APBA1: variants seen among roughly 807,000 people sequenced by gnomAD.
APBA1 encodes amyloid-beta A4 precursor protein-binding family A member 1.
In APBA1, 55 loss-of-function variants were observed where a neutral mutation model predicts 86.6. The observed-to-expected ratio is 0.64, with a 90% CI of 0.51 to 0.80. The LOEUF (loss-of-function observed/expected upper bound fraction) is 0.80. APBA1 is among the 30% of genes least tolerant of loss of function. The pLI is 0.00. For missense variants in APBA1, 1,090 were observed against 1,183.0 expected (o/e 0.92, Z 1.15); for synonymous variants, 511 against 493.9 (o/e 1.03, Z -0.46).
intron 11 of APBA1, among the ~76,000 whole-genome samples, chr9:69,440,027 T>G (rs1834784655): frequency 6.6e-6 from 1 of 152,368 alleles, no homozygotes; most frequent in South Asian, 2.1e-4. Flanking sequence ...TGCAGGTCTG[T>G]TGGAGTTTAC....
chr9:69,489,670 G>A (rs1835670784), intron 2 of APBA1, among the ~76,000 whole-genome samples: 1 of 151,972 alleles, frequency 6.6e-6, no homozygotes, highest in Non-Finnish European at 1.5e-5. Context: ...CGAAGGACAT[G>A]AACAGACACT....
intron 1 of APBA1, among the ~76,000 whole-genome samples, chr9:69,636,774 G>C (rs1466109337): frequency 7.4e-6 from 1 of 134,278 alleles, no homozygotes; most frequent in Non-Finnish European, 1.6e-5. Flanking sequence ...AAGCCTGGGT[G>C]ACAGAGTGAG....
intron 1 of APBA1, among the ~76,000 whole-genome samples, chr9:69,526,735 GTAGAATATTGTTC>G (rs1836348842): frequency 6.6e-6 from 1 of 152,020 alleles, no homozygotes; most frequent in African/African-American, 2.4e-5. Context: ...ATTGTTCTCG[GTAGAATATTGTTC>G]TACCAAAAAG....
chr9:69,636,517 T>C (rs1034242870), intron 1 of APBA1, among the ~76,000 whole-genome samples: 5 of 152,054 alleles, frequency 3.3e-5, no homozygotes, highest in Non-Finnish European at 7.4e-5. Flanking sequence ...AACAGATGAA[T>C]GGATAAAGAA....
intron 12 of APBA1, among the ~76,000 whole-genome samples, chr9:69,432,002 C>A (rs560059612): frequency 6.6e-6 from 1 of 151,578 alleles, no homozygotes; most frequent in African/African-American, 2.4e-5. Flanking sequence ...GCAGTGATGA[C>A]TGACAGCAGT....
intron 8 of APBA1, among the ~76,000 whole-genome samples, chr9:69,452,910 T>C (rs1274885059): frequency 3.3e-5 from 5 of 152,224 alleles, no homozygotes; most frequent in Admixed American, 1.3e-4. Context: ...TGTGCTGTCA[T>C]GCATGGTGAT....
intron 1 of APBA1, among the ~76,000 whole-genome samples, chr9:69,640,039 A>G (rs1220469965): frequency 6.6e-6 from 1 of 152,150 alleles, no homozygotes; most frequent in Non-Finnish European, 1.5e-5. Flanking sequence ...GATAAAGAAC[A>G]TCCTACAGGA....
At chr9:69,451,640 G>T (rs1192030078) in intron 9 of APBA1, among the ~76,000 whole-genome samples, 1 of 152,126 alleles carries the variant, frequency 6.6e-6, no homozygotes, top group Non-Finnish European at 1.5e-5. Context: ...AGCTTGGATA[G>T]CCTCATCTTC....
In APBA1 at chr9:69,484,496, C is replaced by T. The variant is rs989784777; in HGVS notation, c.1201-8353G>A. 3.9e-5 allele frequency among the ~76,000 whole-genome samples: 6 copies of T among 152,160 alleles called. No homozygotes were observed. The East Asian group carries it at 5.8e-4, about 15-fold the overall frequency. ...CCTTTGGCACATGCTTGAGCTCATT[C>T]GAGTTTCCTCCTATTTGCATGTGCA... On this transcript the variant is annotated intron_variant, in intron 2 of 12. Transcript: ENST00000265381.
intron 1 of APBA1, among the ~76,000 whole-genome samples, chr9:69,658,282 T>TTCTTTCTTTCTTTCTC (rs1554709948): frequency 1.5e-4 from 6 of 39,790 alleles, no homozygotes; most frequent in African/African-American, 3.8e-4. Context: ...CTTTCTTTCT[T>TTCTTTCTTTCTTTCTC]TCTCTCTCTC....
intron 1 of APBA1, among the ~76,000 whole-genome samples, chr9:69,612,799 G>T (rs563385459): frequency 6.6e-6 from 1 of 151,946 alleles, no homozygotes; most frequent in Non-Finnish European, 1.5e-5. Flanking sequence ...GGTCATTAAA[G>T]GTTACTTCAA....
At chr9:69,460,028 A>G (rs1269738893) in intron 5 of APBA1, among the ~76,000 whole-genome samples, 1 of 152,214 alleles carries the variant, frequency 6.6e-6, no homozygotes, top group African/African-American at 2.4e-5. Flanking sequence ...TGGAGGAAGA[A>G]CTGCTCTCTC....
intron 1 of APBA1, among the ~76,000 whole-genome samples, chr9:69,555,895 G>T (rs112011599): frequency 1.4e-4 from 21 of 152,214 alleles, no homozygotes; most frequent in African/African-American, 4.6e-4. Context: ...TAATAAGCTA[G>T]TTATATAATG....
At chr9:69,582,403 A>G (rs1364795167) in intron 1 of APBA1, among the ~76,000 whole-genome samples, 1 of 152,194 alleles carries the variant, frequency 6.6e-6, no homozygotes, top group Non-Finnish European at 1.5e-5. Context: ...GGACAATTAG[A>G]TAATGAGATA....
intron 1 of APBA1, among the ~76,000 whole-genome samples, chr9:69,597,162 T>A (rs1008872758): frequency 6.6e-6 from 1 of 152,232 alleles, no homozygotes; most frequent in Non-Finnish European, 1.5e-5. Context: ...TTTCTCCACA[T>A]CCTCTCCAGC....
intron 1 of APBA1, among the ~76,000 whole-genome samples, chr9:69,584,707 A>G (rs1432342473): frequency 1.3e-5 from 2 of 152,234 alleles, no homozygotes; most frequent in African/African-American, 4.8e-5. Flanking sequence ...TGCCCTTTCA[A>G]TGAAGTGAAA....
chr9:69,486,582 A>AG (rs1420838511), intron 2 of APBA1, among the ~76,000 whole-genome samples: 2 of 151,838 alleles, frequency 1.3e-5, no homozygotes, highest in East Asian at 3.9e-4. Context: ...GCAGGAGGGG[A>AG]GGGGTGTGCA....
At chr9:69,666,753 T>G (rs750099148) in intron 1 of APBA1, among the ~76,000 whole-genome samples, 1 of 152,178 alleles carries the variant, frequency 6.6e-6, no homozygotes, top group East Asian at 1.9e-4. Context: ...GTGGGGTTTT[T>G]AAAAATAAAG....
At chr9:69,439,231 T>C (rs1315434083) in intron 11 of APBA1, among the ~76,000 whole-genome samples, 3 of 125,666 alleles carry the variant, frequency 2.4e-5, no homozygotes, top group Non-Finnish European at 4.9e-5. Context: ...TCATTTCAAC[T>C]TTGGTGAATC....
Sources: gnomAD v4.1 joint callset for allele counts (sites outside exome capture counted in the v4.1 genomes callset) on GRCh38, gnomAD v4.1.1 for gene constraint, MANE v1.5 for transcripts, NCBI Gene and HGNC (gene_info 2026-07-23, HGNC 2026-07-21) for gene names.